The following WDR49 variants were observed in gnomAD, a reference collection of about 807,000 sequenced individuals.
The protein encoded by WDR49 is WD repeat domain 49.
WDR49 carries 107 observed loss-of-function variants against 119.5 expected under a neutral mutation model. The ratio of observed to expected loss-of-function variants is 0.90; its 90% confidence interval spans 0.77 to 1.05. The LOEUF is 1.05. WDR49 is among the 50% of genes least tolerant of loss of function. The pLI, the probability that WDR49 is intolerant of heterozygous loss-of-function variation, is 0.00. For synonymous variants in WDR49, 425 were observed against 418.8 expected (o/e 1.01, Z -0.18); for missense variants, 1,240 against 1,220.5 (o/e 1.02, Z -0.24).
intron 9 of WDR49, among the ~76,000 whole-genome samples, chr3:167,556,729 T>C (rs554540544): frequency 4.6e-5 from 7 of 151,582 alleles, no homozygotes; most frequent in Non-Finnish European, 1.0e-4. Context: ...CCACTAAAAT[T>C]ACAAAAATTA....
chr3:167,572,963 C>T (rs1714021714), intron 8 of WDR49, among the ~76,000 whole-genome samples: 1 of 152,140 alleles, frequency 6.6e-6, no homozygotes, highest in Non-Finnish European at 1.5e-5. Flanking sequence ...GTTCAGGGTA[C>T]CCTCCCCTTT....
rs910707255 is a variant in WDR49 at position 167,638,941 on chromosome 3, G to A, written c.166-11649C>T. 4.0e-5 allele frequency among the ~76,000 whole-genome samples: 6 copies of A among 151,542 alleles called. No individual in the cohort carries two copies. The South Asian group carries it at 1.2e-3, about 31-fold the overall frequency. On this transcript the variant is annotated intron_variant, in intron 2 of 18. Coordinates refer to ENST00000682715, the MANE Select transcript of WDR49 (RefSeq NM_001366157.1). ...GAATTAGAAGGGAATTGAAGCTGAA[G>A]TGGGCAAAAAATCAATAAATCTTTC...
chr3:167,482,855 G>A (rs896841853), intron 18 of WDR49, among the ~76,000 whole-genome samples: 2 of 152,084 alleles, frequency 1.3e-5, no homozygotes, highest in African/African-American at 2.4e-5. Context: ...TGATACAATT[G>A]ACAAAAATTG....
At chr3:167,592,984 T>C (rs546811220) in intron 7 of WDR49, among the ~76,000 whole-genome samples, 14 of 152,336 alleles carry the variant, frequency 9.2e-5, no homozygotes, top group Middle Eastern at 3.4e-3. Flanking sequence ...ATTGAAGCTC[T>C]ATTTTATGTT....
At chr3:167,523,651 G>T (rs534532630) in intron 15 of WDR49, among the ~76,000 whole-genome samples, 4 of 152,124 alleles carry the variant, frequency 2.6e-5, no homozygotes, top group Non-Finnish European at 5.9e-5. Flanking sequence ...GTGGTGTTTG[G>T]TTTTCTGTTC....
At chr3:167,583,256 A>T (rs543179040) in intron 7 of WDR49, among the ~76,000 whole-genome samples, 1 of 152,236 alleles carries the variant, frequency 6.6e-6, no homozygotes, top group South Asian at 2.1e-4. Flanking sequence ...TTAAATTTTA[A>T]AATTCTTTTT....
chr3:167,650,584 C>G (rs1174368773), intron 2 of WDR49, among the ~76,000 whole-genome samples: 1 of 152,192 alleles, frequency 6.6e-6, no homozygotes, highest in Non-Finnish European at 1.5e-5. Flanking sequence ...GCTTTTGACT[C>G]TTCTATGTGA....
chr3:167,613,375 A>C (rs1577277340), intron 5 of WDR49, among the ~76,000 whole-genome samples: 1 of 152,200 alleles, frequency 6.6e-6, no homozygotes, highest in African/African-American at 2.4e-5. Flanking sequence ...ATGCTACAGA[A>C]CAAGCTGCAG....
intron 16 of WDR49, among the ~76,000 whole-genome samples, chr3:167,516,047 C>T (rs549157946): frequency 4.7e-4 from 72 of 152,202 alleles, no homozygotes; most frequent in South Asian, 1.2e-3. Context: ...TCATGAAAAT[C>T]GCCATACTGC....
At chr3:167,622,421 A>C (rs987727014) in intron 3 of WDR49, among the ~76,000 whole-genome samples, 2 of 152,082 alleles carry the variant, frequency 1.3e-5, no homozygotes, top group African/African-American at 4.8e-5. Context: ...TGTCTGATTA[A>C]ATAGAGAATT....
intron 2 of WDR49, among the ~76,000 whole-genome samples, chr3:167,635,447 C>A (rs1260318524): frequency 6.6e-6 from 1 of 151,620 alleles, no homozygotes; most frequent in Admixed American, 6.6e-5. Flanking sequence ...ATTTCTAAAG[C>A]AGACATTTTA....
intron 18 of WDR49, among the ~76,000 whole-genome samples, chr3:167,497,462 G>T (rs922398555): frequency 2.6e-5 from 4 of 152,166 alleles, no homozygotes; most frequent in African/African-American, 9.6e-5. Context: ...ATTTATTAGA[G>T]TCTTTTAGGT....
intron 5 of WDR49, among the ~76,000 whole-genome samples, chr3:167,611,865 A>G (rs1459134271): frequency 6.6e-6 from 1 of 152,186 alleles, no homozygotes; most frequent in African/African-American, 2.4e-5. Flanking sequence ...CTGAAGAGAG[A>G]GATAGGCCTT....
chr3:167,611,798 A>C (rs1277652221), intron 5 of WDR49, among the ~76,000 whole-genome samples: 2 of 152,170 alleles, frequency 1.3e-5, no homozygotes, highest in African/African-American at 4.8e-5. Flanking sequence ...AAAAACTTTA[A>C]ATAAAAATGC....
intron 10 of WDR49, among the ~76,000 whole-genome samples, chr3:167,537,766 C>G (rs1234012330): frequency 6.6e-6 from 1 of 152,130 alleles, no homozygotes; most frequent in Non-Finnish European, 1.5e-5. Flanking sequence ...GATCCGAGCT[C>G]TGGCCATCAG....
intron 7 of WDR49, among the ~76,000 whole-genome samples, chr3:167,595,896 G>T (rs1419924075): frequency 6.6e-6 from 1 of 150,400 alleles, no homozygotes; most frequent in Non-Finnish European, 1.5e-5. Flanking sequence ...AAGAGCTTCT[G>T]CACAGCAAAA....
chr3:167,534,044 A>AG, intron 11 of WDR49, among the ~76,000 whole-genome samples: 1 of 151,784 alleles, frequency 6.6e-6, no homozygotes, highest in Non-Finnish European at 1.5e-5. Flanking sequence ...AAAAAAAAAA[A>AG]CTTAGCTGGG....
At chr3:167,499,701 A>C (rs758435151) in intron 18 of WDR49, among the ~76,000 whole-genome samples, 2 of 152,200 alleles carry the variant, frequency 1.3e-5, no homozygotes, top group Non-Finnish European at 1.5e-5. Context: ...TCACCACACC[A>C]GCCTACCACT....
chr3:167,593,358 C>T (rs949736074), intron 7 of WDR49, among the ~76,000 whole-genome samples: 4 of 151,678 alleles, frequency 2.6e-5, no homozygotes, highest in Admixed American at 6.6e-5. Flanking sequence ...CTCACTAATT[C>T]CTTCTTCTGC....
Sources: gnomAD v4.1 joint callset for allele counts (sites outside exome capture counted in the v4.1 genomes callset) on GRCh38, gnomAD v4.1.1 for gene constraint, MANE v1.5 for transcripts, NCBI Gene and HGNC (gene_info 2026-07-23, HGNC 2026-07-21) for gene names.